The following LAMA3 variants were observed in gnomAD, a reference collection of about 807,000 sequenced individuals.
The protein encoded by LAMA3 is laminin subunit alpha 3.
LAMA3 carries 281 observed loss-of-function variants against 402.0 expected under a neutral mutation model. The observed-to-expected ratio is 0.70, with a 90% CI of 0.63 to 0.77. The LOEUF is 0.77. Among genes scored for constraint, LAMA3 ranks in the 30% least tolerant of loss-of-function variants. The probability of loss-of-function intolerance (pLI) is 0.00; values close to 1 mark genes in which losing one functional copy is unlikely to be tolerated. For synonymous variants in LAMA3, 1,431 were observed against 1,558.4 expected (o/e 0.92, Z 1.93); for missense variants, 3,840 against 4,215.5 (o/e 0.91, Z 2.47).
At chr18:23,746,631 A>T (rs1175181045) in intron 2 of LAMA3, among the ~76,000 whole-genome samples, 2 of 152,180 alleles carry the variant, frequency 1.3e-5, no homozygotes, top group Non-Finnish European at 2.9e-5. Context: ...AAATATATTT[A>T]TGCTAACATG....
chr18:23,914,714 A>G lies in LAMA3; in HGVS notation c.7498A>G (p.Arg2500Gly). The change falls in exon 58 of 75, where the codon AGG (arginine) becomes GGG (glycine). Residue 2500 changes from arginine (R) to glycine (G), a missense_variant. By Grantham distance (125) the Arg-to-Gly change is moderately radical. Coordinates refer to ENST00000313654, the MANE Select transcript of LAMA3 (RefSeq NM_198129.4). ...TTTAAACAGAATTTATCAGTTTGCA[A>G]GGCTTAATTACACCAAAGGAGCCAC... The part of the protein sequence containing the change: ...VKFQRIYQFA[R>G]LNYTKGATSS... The G allele has an allele frequency of 6.2e-7, 1 of 1,613,494 alleles. No individual in the cohort carries two copies. The highest frequency in any genetic ancestry group is 8.5e-7 in the Non-Finnish European group (1 of 1,179,542).
chr18:23,756,587 C>T (rs2061849350), intron 6 of LAMA3, among the ~76,000 whole-genome samples: 1 of 152,082 alleles, frequency 6.6e-6, no homozygotes, highest in African/African-American at 2.4e-5. Context: ...CCTACAATCA[C>T]GGCCTTTGTC....
In LAMA3 at chr18:23,827,457, G is replaced by A; in HGVS notation, c.2813G>A (p.Ser938Asn). The A allele has an allele frequency of 6.2e-7, 1 of 1,614,146 alleles. No individual in the cohort carries two copies. Among genetic ancestry groups the A allele is most frequent in the Non-Finnish European group, 8.5e-7 (1 of 1,180,038 alleles). ...TPAHPVMVDL[S>N]GREVELHLRL... Reference sequence around the variant, plus strand: ...GCACACCCTGTCATGGTGGACCTCAGCGGGAGAGAGGTGGGCCAGCCTTTT... The same window carrying A: ...GCACACCCTGTCATGGTGGACCTCAACGGGAGAGAGGTGGGCCAGCCTTTT... The change falls in exon 23 of 75, where the codon AGC becomes AAC. Residue 938 changes from serine to asparagine, a missense_variant. Around this residue, in one of 3 missense-constraint regions of LAMA3, gnomAD observed 2,109 missense variants for 2,376.0 expected, o/e 0.89. Coordinates refer to ENST00000313654, the MANE Select transcript of LAMA3 (RefSeq NM_198129.4).
Position 23,839,026 on chromosome 18 carries a change from G to T in LAMA3, c.3191+148G>T. On this transcript the variant is annotated intron_variant, in intron 26 of 74. Transcript: ENST00000313654. The surrounding 1 kb of genome is among the most constrained non-coding windows in gnomAD (Gnocchi z 4.5). ...GGATTTAAAACAGAAAGAAAAACCA[G>T]CTAAATAATTTACCCCAGCAGTTTT... is the stretch of plus-strand genomic sequence containing the variant. The T allele has an allele frequency of 1.4e-6, 1 of 692,838 alleles. No homozygotes were observed. Among genetic ancestry groups the T allele is most frequent in the Non-Finnish European group, 2.6e-6 (1 of 378,974 alleles). 42.9% of individuals were successfully genotyped at this position (692,838 alleles called of 1,614,324 possible).
intron 12 of LAMA3, among the ~76,000 whole-genome samples, chr18:23,790,957 C>T (rs979656554): frequency 5.3e-5 from 8 of 151,662 alleles, no homozygotes; most frequent in African/African-American, 1.9e-4. Flanking sequence ...GGCGCGATCT[C>T]GGTTCACTGC....
rs762198013 is a variant in LAMA3, at chr18:23,901,162, C to A, written c.6040C>A (p.Gln2014Lys). 13 of 1,613,986 alleles carry A rather than the reference C, an allele frequency of 8.1e-6. No homozygotes were observed. The highest frequency in any genetic ancestry group is 1.1e-5 in the Non-Finnish European group (13 of 1,180,022). The change falls in exon 48 of 75, where the codon CAG becomes AAG. Residue 2014 changes from glutamine (Q) to lysine (K), a missense_variant. By Grantham distance (53) the Gln-to-Lys change is moderately conservative (BLOSUM62 1). This residue lies in a region of LAMA3 where 891 missense variants were observed against 857.5 expected (regional missense o/e 1.04). Transcript: ENST00000313654. Reference protein sequence around the residue: ...NRIRTWQKTHQGENNGLANSI... With the variant: ...NRIRTWQKTHKGENNGLANSI... ...GATAAGGACCTGGCAGAAAACCCAC[C>A]AGGGGGAGAACAATGGGCTTGCTAA... is the stretch of plus-strand genomic sequence containing the variant.
chr18:23,769,853 A>G (rs2062157535), intron 8 of LAMA3, among the ~76,000 whole-genome samples: 1 of 152,272 alleles, frequency 6.6e-6, no homozygotes, highest in Non-Finnish European at 1.5e-5. Flanking sequence ...AGACTCAACT[A>G]TATTGTTCAC....
chr18:23,943,239 C>T (rs979805805), intron 68 of LAMA3, among the ~76,000 whole-genome samples: 6 of 152,156 alleles, frequency 3.9e-5, no homozygotes, highest in Admixed American at 3.3e-4. Context: ...CTCAAGTAGT[C>T]GTGTTCATCG....
At position 23,916,330 on chromosome 18, in the gene LAMA3, C is replaced by T. The variant is rs555219583; in HGVS notation, c.7779-221C>T. On this transcript the variant is annotated intron_variant, in intron 59 of 74. Coordinates refer to ENST00000313654, the MANE Select transcript of LAMA3 (RefSeq NM_198129.4). ...AAAAGGGTATCTTACTCATCTTTGT[C>T]GAGCTAGGGTTTGATTGTCAGAGTA... 2.4e-4 allele frequency among the ~76,000 whole-genome samples: 36 copies of T among 152,268 alleles called. 1 individual carries two copies. Among genetic ancestry groups the T allele is most frequent in the Admixed American group, 1.6e-3 (24 of 15,290 alleles).
chr18:23,709,695 G>A lies in LAMA3; in HGVS notation c.295-4225G>A, dbSNP rs140436320. ...CCCAGTGATACTCATGGGAAGGAAA[G>A]AGCCTCCTCAATGATCTTCCATCTG... On this transcript the variant is annotated intron_variant, in intron 1 of 74. Coordinates refer to ENST00000313654, the MANE Select transcript of LAMA3 (RefSeq NM_198129.4). 876 of 415,744 alleles carry A rather than the reference G, an allele frequency of 2.1e-3. 1 individual carries two copies. Among genetic ancestry groups the A allele is most frequent in the Admixed American group, 3.4e-3 (98 of 28,794 alleles). The allele number at this position is 415,744 out of a possible 1,614,324, so 25.8% of individuals were successfully genotyped here. A position where few individuals can be genotyped will look rare whatever the true frequency, so the allele number is the denominator to read the frequency against.
At chr18:23,733,422 G>A (rs2061425026) in intron 2 of LAMA3, among the ~76,000 whole-genome samples, 1 of 152,152 alleles carries the variant, frequency 6.6e-6, no homozygotes, top group East Asian at 1.9e-4. Flanking sequence ...AGAGAAGAGA[G>A]AATGAGAACC....
At chr18:23,773,200 A>G (rs1184893168) in intron 8 of LAMA3, among the ~76,000 whole-genome samples, 1 of 152,218 alleles carries the variant, frequency 6.6e-6, no homozygotes. Context: ...TCTCACTCAC[A>G]TGTCAGGTGC....
chr18:23,702,103 G>A (rs1412140050), intron 1 of LAMA3, among the ~76,000 whole-genome samples: 1 of 152,088 alleles, frequency 6.6e-6, no homozygotes, highest in Non-Finnish European at 1.5e-5. Flanking sequence ...GGGTACAGAT[G>A]TTGTGAGGTT....
At chr18:23,807,023 A>G (rs1161777164) in intron 12 of LAMA3, among the ~76,000 whole-genome samples, 1 of 152,240 alleles carries the variant, frequency 6.6e-6, no homozygotes, top group Non-Finnish European at 1.5e-5. Context: ...GATTAGGAGT[A>G]TCTAATAGTG....
chr18:23,813,124 T>G (rs1214591938), intron 14 of LAMA3, 21 bp downstream of exon 14: 1 of 1,551,604 alleles, frequency 6.4e-7, no homozygotes, highest in Admixed American at 1.7e-5. Flanking sequence ...TATAAAAGGG[T>G]TGCAATTCTA....
chr18:23,834,076 G>A (rs2063537408), intron 24 of LAMA3, 88 bp downstream of exon 24: 6 of 1,483,148 alleles, frequency 4.0e-6, no homozygotes, highest in Admixed American at 3.3e-5. Flanking sequence ...GCATTGGGAG[G>A]TTATTTTCTT....
chr18:23,818,548 T>A (rs113171055), intron 18 of LAMA3, among the ~76,000 whole-genome samples: 210 of 152,340 alleles, frequency 1.4e-3, no homozygotes, highest in African/African-American at 4.6e-3. Context: ...CAGAGAATTT[T>A]TAGGTTTTCT....
chr18:23,944,795 C>A (rs1181040390), intron 69 of LAMA3, among the ~76,000 whole-genome samples: 1 of 152,138 alleles, frequency 6.6e-6, no homozygotes, highest in Non-Finnish European at 1.5e-5. Flanking sequence ...GGCCAAGCTC[C>A]GACTTTGGAC....
At chr18:23,939,465 T>C (rs1408140943) in intron 68 of LAMA3, 79 bp downstream of exon 68, 2 of 1,414,752 alleles carry the variant, frequency 1.4e-6, no homozygotes, top group Non-Finnish European at 2.0e-6. Flanking sequence ...CTGACTGCCA[T>C]GACACCATGC....
Sources: allele counts gnomAD v4.1 joint callset (sites outside exome capture counted in the v4.1 genomes callset), GRCh38; gene constraint gnomAD v4.1.1; regional missense constraint gnomAD v4.1.1; non-coding constraint Gnocchi (gnomAD v3.1); transcripts MANE v1.5; gene names NCBI Gene and HGNC (gene_info 2026-07-23, HGNC 2026-07-21).